PARP4: variants seen among roughly 807,000 people sequenced by gnomAD.
The protein encoded by PARP4 is poly(ADP-ribose) polymerase family member 4.
PARP4 carries 120 observed loss-of-function variants against 187.7 expected under a neutral mutation model. The ratio of observed to expected loss-of-function variants is 0.64; its 90% CI spans 0.55 to 0.74. The LOEUF is 0.74. Among genes scored for constraint, PARP4 ranks in the 30% least tolerant of loss-of-function variants. The pLI is 0.00. For synonymous variants in PARP4, 654 were observed against 740.9 expected, an observed-to-expected ratio of 0.88 and a Z score of 1.90; for missense variants, 1,836 against 2,070.5, an observed-to-expected ratio of 0.89 and a Z score of 2.20.
intron 17 of PARP4, among the ~76,000 whole-genome samples, chr13:24,463,087 T>C (rs1369123432): frequency 1.3e-5 from 2 of 151,906 alleles, no homozygotes; most frequent in Non-Finnish European, 2.9e-5. Flanking sequence ...CACATCATAG[T>C]CAAACCACTG....
intron 17 of PARP4, among the ~76,000 whole-genome samples, chr13:24,460,515 T>C (rs1238610918): frequency 6.6e-6 from 1 of 151,978 alleles, no homozygotes; most frequent in East Asian, 1.9e-4. Context: ...GCTGCATGGG[T>C]GGGCTCTGCT....
rs748734177 is a variant in PARP4 at position 24,441,830 on chromosome 13, G to C, written c.3666+16C>G. On this transcript the variant is annotated intron_variant, in intron 30 of 33. Coordinates refer to ENST00000381989, the MANE Select transcript of PARP4 (RefSeq NM_006437.4). ...ACGAAAGCTCAATATCAACTTATTC[G>C]GTAATCAGCATTTACCTGGTTCCTG... 3.2e-6 allele frequency: 5 copies of C among 1,561,578 alleles called. No homozygotes were observed. The highest frequency in any genetic ancestry group is 1.4e-5 in the African/African-American group (1 of 71,552).
chr13:24,454,441 C>G (rs1370719490), intron 22 of PARP4, among the ~76,000 whole-genome samples: 1 of 152,184 alleles, frequency 6.6e-6, no homozygotes, highest in Admixed American at 6.5e-5. Flanking sequence ...CACCTCTCAT[C>G]CCTGAGGTGC....
At chr13:24,471,849 C>A (rs541719616) in intron 15 of PARP4, among the ~76,000 whole-genome samples, 1 of 152,126 alleles carries the variant, frequency 6.6e-6, no homozygotes, top group Admixed American at 6.6e-5. Context: ...GCCCTAAGTC[C>A]TTTATATTTA....
At chr13:24,511,908 A>T (rs943826974) in intron 1 of PARP4, among the ~76,000 whole-genome samples, 1 of 152,224 alleles carries the variant, frequency 6.6e-6, no homozygotes, top group Non-Finnish European at 1.5e-5. Flanking sequence ...TACTACTTTT[A>T]TTTCACTCCT....
At chr13:24,457,808 AAAAG>A (rs913773566) in intron 20 of PARP4, among the ~76,000 whole-genome samples, 1 of 151,018 alleles carries the variant, frequency 6.6e-6, no homozygotes, top group East Asian at 1.9e-4. Context: ...AAAAAAGAAA[AAAAG>A]AAAGGCACTG....
chr13:24,489,039 A>C (rs1447269140), intron 10 of PARP4, among the ~76,000 whole-genome samples: 1 of 152,102 alleles, frequency 6.6e-6, no homozygotes, highest in Non-Finnish European at 1.5e-5. Context: ...TTGTTTATCC[A>C]CTTCCCTGTT....
chr13:24,431,499 A>G, intron 31 of PARP4, 23 bp from the exon 32 acceptor site: 2 of 1,432,194 alleles, frequency 1.4e-6, no homozygotes, highest in Non-Finnish European at 9.8e-7. Context: ...GGAAACAAAA[A>G]TAAGTTATGT....
chr13:24,493,285 C>T (rs966279018), intron 8 of PARP4, among the ~76,000 whole-genome samples: 3 of 152,168 alleles, frequency 2.0e-5, no homozygotes, highest in Non-Finnish European at 4.4e-5. Flanking sequence ...CCAAGACCAC[C>T]CATAACCCTC....
chr13:24,499,794 C>T (rs9578750), intron 4 of PARP4, among the ~76,000 whole-genome samples: 2,313 of 152,280 alleles, frequency 0.015, 70 homozygotes, highest in African/African-American at 0.052. Flanking sequence ...TTCTCATAAT[C>T]TGTACTTTTC....
intron 24 of PARP4, 105 bp from the exon 25 acceptor site, chr13:24,449,922 G>A (rs1565996213): frequency 9.6e-6 from 6 of 621,842 alleles, no homozygotes; most frequent in East Asian, 8.7e-5. Flanking sequence ...GAGACATGAC[G>A]TGGGGAAGAA....
chr13:24,459,860 C>T, intron 18 of PARP4, 112 bp downstream of exon 18: 3 of 830,110 alleles, frequency 3.6e-6, no homozygotes, highest in Non-Finnish European at 3.7e-6. Flanking sequence ...AACTTTATGC[C>T]TAAAAGATTA....
At chr13:24,496,230 C>A (rs917844999) in intron 6 of PARP4, among the ~76,000 whole-genome samples, 11 of 151,854 alleles carry the variant, frequency 7.2e-5, no homozygotes, top group African/African-American at 2.7e-4. Context: ...TTACTTCTTA[C>A]CCAAACAACT....
At chr13:24,480,531 G>A (rs1336729054) in intron 12 of PARP4, among the ~76,000 whole-genome samples, 1 of 152,192 alleles carries the variant, frequency 6.6e-6, no homozygotes, top group Admixed American at 6.5e-5. Flanking sequence ...TGAATGTAAA[G>A]AAACAATTTT....
chr13:24,492,459 T>A lies in PARP4; in HGVS notation c.1015A>T (p.Asn339Tyr). The A allele has an allele frequency of 6.2e-7, 1 of 1,614,116 alleles. No individual in the cohort carries two copies. Among genetic ancestry groups the A allele is most frequent in the African/African-American group, 1.3e-5 (1 of 75,054 alleles). The change falls in exon 9 of 34, where the codon AAC becomes TAC. Residue 339 changes from asparagine (N) to tyrosine (Y), a missense_variant. Physicochemically the swap from Asn to Tyr is moderately radical, Grantham distance 143 (BLOSUM62 -2). Around this residue, in one of 8 missense-constraint regions of PARP4, gnomAD observed 1,147 missense variants for 1,214.2 expected, o/e 0.94. Coordinates refer to ENST00000381989, the MANE Select transcript of PARP4 (RefSeq NM_006437.4). ...PHKGTMPKEV[N>Y]LGLLAKKADL... is the part of the protein sequence containing the mutation. ...GCTTTCTTAGCCAATAGTCCCAGGT[T>A]CACTTCTTTGGGCATTGTGCCTTTG...
chr13:24,507,168 C>G (rs775709637), intron 1 of PARP4, among the ~76,000 whole-genome samples: 16 of 152,228 alleles, frequency 1.1e-4, no homozygotes, highest in Admixed American at 2.0e-4. Flanking sequence ...CGCACAGCCC[C>G]GGTTCCGTCC....
chr13:24,455,149 C>T lies in PARP4; in HGVS notation c.2626G>A (p.Glu876Lys). 8.7e-6 allele frequency: 14 copies of T among 1,612,104 alleles called. 1 individual carries two copies. Among genetic ancestry groups the T allele is most frequent in the South Asian group, 7.7e-5 (7 of 90,990 alleles). ...GAGCAGTCAAGACAAATAATCACTT[C>T]GCTCTCACTGGCTAGGTCAGGGAGG... ...VDLPDLASES[E>K]VIICLDCSSS... is the part of the protein sequence containing the mutation. The change falls in exon 22 of 34, where the codon GAA becomes AAA. Residue 876 changes from glutamate to lysine, a missense_variant. Glu to Lys is a moderately conservative substitution (Grantham distance 56, BLOSUM62 1). Around this residue, in one of 8 missense-constraint regions of PARP4, gnomAD observed 1,147 missense variants for 1,214.2 expected, o/e 0.94. Coordinates refer to ENST00000381989, the MANE Select transcript of PARP4 (RefSeq NM_006437.4).
chr13:24,459,977 G>A lies in PARP4; in HGVS notation c.2293C>T (p.Leu765Phe), dbSNP rs1872120154. 6.2e-7 allele frequency: 1 copy of A among 1,613,578 alleles called. No homozygotes were observed. The highest frequency in any genetic ancestry group is 8.5e-7 in the Non-Finnish European group (1 of 1,179,846). The change falls in exon 18 of 34, where the codon CTT becomes TTT. Residue 765 changes from leucine to phenylalanine, a missense_variant. By Grantham distance (22) the Leu-to-Phe change is conservative. This residue lies in a region of PARP4 where 1,147 missense variants were observed against 1,214.2 expected (regional missense o/e 0.94). Coordinates refer to ENST00000381989, the MANE Select transcript of PARP4 (RefSeq NM_006437.4). ...WQQDKALNEN[L>F]QDTVEKICIK... Reference sequence around the variant, plus strand: ...CAAATCTTATGCGTACAAACCTGAAGGTTTTCATTCAAAGCCTTGTCCTGT... The same window carrying A: ...CAAATCTTATGCGTACAAACCTGAAAGTTTTCATTCAAAGCCTTGTCCTGT...
chr13:24,485,499 G>T (rs1303724496), intron 11 of PARP4, among the ~76,000 whole-genome samples: 2 of 151,998 alleles, frequency 1.3e-5, no homozygotes, highest in Non-Finnish European at 2.9e-5. Flanking sequence ...TGGTTTTTTG[G>T]TTTTTTCTTT....
Sources: gnomAD v4.1 joint callset for allele counts (sites outside exome capture counted in the v4.1 genomes callset) on GRCh38, gnomAD v4.1.1 for gene constraint, gnomAD v4.1.1 regional missense constraint, MANE v1.5 for transcripts, NCBI Gene and HGNC (gene_info 2026-07-23, HGNC 2026-07-21) for gene names.